The following TG variants were observed in gnomAD, a reference collection of about 807,000 sequenced individuals.
The protein encoded by TG is thyroid hormones.
TG carries 270 observed loss-of-function variants against 324.7 expected under a neutral mutation model. That is an observed-to-expected ratio of 0.83 (90% CI 0.75 to 0.92). The LOEUF is 0.92. TG is among the 40% of genes least tolerant of loss of function. TG has a pLI of 0.00. For synonymous variants in TG, 1,401 were observed against 1,327.0 expected, an observed-to-expected ratio of 1.06 and a Z score of -1.21; for missense variants, 3,591 against 3,456.4, an observed-to-expected ratio of 1.04 and a Z score of -0.98.
intron 19 of TG, among the ~76,000 whole-genome samples, chr8:132,912,191 C>A (rs1020464937): frequency 1.8e-4 from 27 of 152,192 alleles, no homozygotes; most frequent in African/African-American, 5.8e-4. Flanking sequence ...GCATCTCTGT[C>A]ATTCACTAGT....
At chr8:133,042,564 T>C (rs1387686231) in intron 41 of TG, among the ~76,000 whole-genome samples, 1 of 151,944 alleles carries the variant, frequency 6.6e-6, no homozygotes, top group Non-Finnish European at 1.5e-5. Flanking sequence ...GTAAAAAAAT[T>C]GAGCTTCCAA....
intron 20 of TG, among the ~76,000 whole-genome samples, chr8:132,917,127 C>A (rs1341599658): frequency 6.6e-6 from 1 of 150,884 alleles, no homozygotes; most frequent in Non-Finnish European, 1.5e-5. Context: ...TCCATCCGAA[C>A]TTTCAAAATA....
chr8:133,094,455 T>C (rs899153501), intron 41 of TG, among the ~76,000 whole-genome samples: 1 of 152,054 alleles, frequency 6.6e-6, no homozygotes, highest in African/African-American at 2.4e-5. Flanking sequence ...TTAGCCAGGA[T>C]GGTCTCGATC....
chr8:133,008,669 A>G (rs570985218), intron 35 of TG, among the ~76,000 whole-genome samples: 1 of 152,374 alleles, frequency 6.6e-6, no homozygotes, highest in Admixed American at 6.5e-5. Context: ...AACTGGCTCC[A>G]GCCCTAGCTA....
Position 132,898,187 on chromosome 8 carries a change from A to T in TG, c.3158A>T (p.Asp1053Val). 1 of 1,604,994 alleles carries T rather than the reference A, an allele frequency of 6.2e-7. No individual in the cohort carries two copies. Among genetic ancestry groups the T allele is most frequent in the Non-Finnish European group, 8.5e-7 (1 of 1,175,782 alleles). ...TTTCCAGGGCACTGCTGGTGTGTAG[A>T]TGAGAAAGGAGGGTTCATCCCTGGC... is the stretch of plus-strand genomic sequence containing the variant. The part of the protein sequence containing the change: ...HAGTGHCWCV[D>V]EKGGFIPGSL... Residue 1053 changes from aspartate to valine, a missense_variant, in exon 13 of 48, where the codon GAT becomes GTT. Transcript: ENST00000220616.
intron 22 of TG, among the ~76,000 whole-genome samples, chr8:132,926,837 G>A (rs1324852513): frequency 6.6e-6 from 1 of 152,188 alleles, no homozygotes; most frequent in African/African-American, 2.4e-5. Context: ...GTGGCATCAG[G>A]ACTCGAGCTG....
At chr8:133,049,874 A>G (rs763734378) in intron 41 of TG, 81 of 1,407,768 alleles carry the variant, frequency 5.8e-5, no homozygotes, top group Non-Finnish European at 1.5e-5. Context: ...ATCATGCTTA[A>G]TTGCTGCCAT....
At chr8:132,874,937 C>G (rs1351259692) in intron 5 of TG, among the ~76,000 whole-genome samples, 1 of 152,146 alleles carries the variant, frequency 6.6e-6, no homozygotes, top group African/African-American at 2.4e-5. Flanking sequence ...ACACCACTGC[C>G]TACCTCATCC....
At chr8:132,943,591 A>G (rs1285899460) in intron 26 of TG, among the ~76,000 whole-genome samples, 2 of 152,054 alleles carry the variant, frequency 1.3e-5, no homozygotes, top group African/African-American at 2.4e-5. Flanking sequence ...AGGCAGATAC[A>G]TTGTTCTTAG....
intron 3 of TG, 34 bp downstream of exon 3, chr8:132,869,860 C>A: frequency 1.3e-6 from 2 of 1,592,362 alleles, no homozygotes; most frequent in South Asian, 1.1e-5. Context: ...CTTGGAGGGA[C>A]CCTGCTAGGA....
intron 42 of TG, among the ~76,000 whole-genome samples, 165 bp downstream of exon 42, chr8:133,095,373 C>CACCACAGCCT (rs1206919503): frequency 1.3e-5 from 2 of 152,164 alleles, no homozygotes; most frequent in African/African-American, 4.8e-5. Flanking sequence ...GCTGTGCATG[C>CACCACAGCCT]GCCACAGCCT....
intron 35 of TG, among the ~76,000 whole-genome samples, chr8:133,006,158 G>A (rs569305206): frequency 2.0e-5 from 3 of 152,320 alleles, no homozygotes; most frequent in African/African-American, 7.2e-5. Flanking sequence ...TCTCAGAGTA[G>A]TTAAGGGACT....
At chr8:133,004,432 C>CTGCCTCTGTAACCTTGGGGG (rs1312478649) in intron 35 of TG, among the ~76,000 whole-genome samples, 29 of 152,164 alleles carry the variant, frequency 1.9e-4, no homozygotes, top group Admixed American at 1.9e-3. Flanking sequence ...TGACCTGGGG[C>CTGCCTCTGTAACCTTGGGGG]TGCCTCTGTA....
At chr8:132,912,972 T>C in intron 19 of TG, 75 bp from the exon 20 acceptor site, 1 of 1,410,214 alleles carries the variant, frequency 7.1e-7, no homozygotes, top group East Asian at 2.3e-5. Flanking sequence ...TCTAGGCATC[T>C]CTGCCCTGCT....
intron 45 of TG, among the ~76,000 whole-genome samples, 178 bp downstream of exon 45, chr8:133,116,894 A>G (rs1850741905): frequency 6.6e-6 from 1 of 152,136 alleles, no homozygotes; most frequent in African/African-American, 2.4e-5. Context: ...GTTAAAAAAA[A>G]AAATGGTGTG....
chr8:132,920,118 A>G (rs1421099713), intron 21 of TG, among the ~76,000 whole-genome samples: 1 of 152,218 alleles, frequency 6.6e-6, no homozygotes, highest in Non-Finnish European at 1.5e-5. Flanking sequence ...CATTACTGCT[A>G]TGTAGCTCAT....
In TG at chr8:132,893,734, A is replaced by G. The variant is rs752718741; in HGVS notation, c.2806A>G (p.Ile936Val). The change falls in exon 11 of 48, where the codon ATT becomes GTT. Residue 936 changes from isoleucine to valine, a missense_variant. Transcript: ENST00000220616. ...EEAKLRVLQF[I>V]RETEEIVSAS... ...AGCAAAGCTCCGTGTACTGCAGTTC[A>G]TTAGGGAAACGGAAGAGATTGTTTC... The G allele has an allele frequency of 5.0e-6, 8 of 1,613,878 alleles. No individual in the cohort carries two copies. The African/African-American group carries it at 5.3e-5, about 11-fold the overall frequency.
chr8:133,085,057 G>A (rs1325707722), intron 41 of TG, among the ~76,000 whole-genome samples: 1 of 152,238 alleles, frequency 6.6e-6, no homozygotes, highest in Non-Finnish European at 1.5e-5. Flanking sequence ...AGAACAGCAT[G>A]TAAAGTGCTT....
intron 41 of TG, among the ~76,000 whole-genome samples, chr8:133,052,671 C>T (rs371430287): frequency 6.6e-6 from 1 of 152,216 alleles, no homozygotes; most frequent in South Asian, 2.1e-4. Flanking sequence ...TCACAAAGGG[C>T]AGGTTCACAT....
Sources: allele counts gnomAD v4.1 joint callset (sites outside exome capture counted in the v4.1 genomes callset), GRCh38; gene constraint gnomAD v4.1.1; transcripts MANE v1.5; gene names NCBI Gene and HGNC (gene_info 2026-07-23, HGNC 2026-07-21).